The following GALNT18 variants were observed in gnomAD, a reference collection of about 807,000 sequenced individuals.
The protein encoded by GALNT18 is GalNAc-transferase 18.
GALNT18 carries 44 observed loss-of-function variants against 69.5 expected under a neutral mutation model. The ratio of observed to expected loss-of-function variants is 0.63; its 90% CI spans 0.50 to 0.81. The LOEUF is 0.81. GALNT18 is among the 40% of genes least tolerant of loss of function. The pLI is 0.00. For synonymous variants in GALNT18, 364 were observed against 318.2 expected, an observed-to-expected ratio of 1.14 and a Z score of -1.53; for missense variants, 715 against 810.0, an observed-to-expected ratio of 0.88 and a Z score of 1.42.
At chr11:11,533,015 T>C (rs4281478) in intron 1 of GALNT18, among the ~76,000 whole-genome samples, 67,853 of 152,042 alleles carry the variant, frequency 0.45, 15,770 homozygotes, top group East Asian at 0.81. Flanking sequence ...TGAGACCTGT[T>C]CAGAGCTCAA....
intron 1 of GALNT18, among the ~76,000 whole-genome samples, chr11:11,516,847 C>T (rs1857287757): frequency 6.6e-6 from 1 of 152,196 alleles, no homozygotes; most frequent in Non-Finnish European, 1.5e-5. Flanking sequence ...TAAATCATGG[C>T]CACGGCTGAC....
At chr11:11,308,585 G>A (rs1215670636) in intron 9 of GALNT18, among the ~76,000 whole-genome samples, 1 of 152,100 alleles carries the variant, frequency 6.6e-6, no homozygotes, top group Non-Finnish European at 1.5e-5. Flanking sequence ...GCCTATTCAT[G>A]TGTTTTTGAA....
At chr11:11,395,751 C>T (rs1271073659) in intron 3 of GALNT18, among the ~76,000 whole-genome samples, 4 of 152,118 alleles carry the variant, frequency 2.6e-5, no homozygotes, top group Non-Finnish European at 4.4e-5. Context: ...CAGAAACAAG[C>T]AGCAGAGCCG....
At chr11:11,484,380 G>C (rs530434195) in intron 1 of GALNT18, among the ~76,000 whole-genome samples, 1 of 152,090 alleles carries the variant, frequency 6.6e-6, no homozygotes, top group Non-Finnish European at 1.5e-5. Flanking sequence ...ATCACCTGAG[G>C]TCGGGAGTTT....
intron 2 of GALNT18, among the ~76,000 whole-genome samples, chr11:11,448,339 A>T (rs905684817): frequency 2.0e-5 from 3 of 152,258 alleles, no homozygotes; most frequent in African/African-American, 7.2e-5. Context: ...AAGTCAAGAC[A>T]GACTTCTCTG....
intron 1 of GALNT18, among the ~76,000 whole-genome samples, chr11:11,608,180 G>A (rs756353518): frequency 6.6e-6 from 1 of 152,102 alleles, no homozygotes; most frequent in Non-Finnish European, 1.5e-5. Context: ...GCAATGAAAT[G>A]GGGCTAAATC....
At chr11:11,424,300 G>A (rs1208230679) in intron 3 of GALNT18, among the ~76,000 whole-genome samples, 1 of 152,170 alleles carries the variant, frequency 6.6e-6, no homozygotes, top group Non-Finnish European at 1.5e-5. Context: ...GAGAGGAGGT[G>A]CCCAAGTTGA....
At position 11,465,107 on chromosome 11, in the gene GALNT18, A is replaced by G. The variant is rs904768198; in HGVS notation, c.236-16171T>C. Among the ~76,000 whole-genome samples the G allele has an allele frequency of 1.2e-4, 18 of 152,180 alleles. No homozygotes were observed. The highest frequency in any genetic ancestry group is 2.2e-4 in the Non-Finnish European group (15 of 68,028). Reference sequence around the variant, plus strand: ...CAACTTCTCTATCCTCTCTACGAGGACAGAGAGAATACAGATCCCACTGGT... The same window carrying G: ...CAACTTCTCTATCCTCTCTACGAGGGCAGAGAGAATACAGATCCCACTGGT... On this transcript the variant is annotated intron_variant, in intron 1 of 10. Transcript: ENST00000227756. The surrounding 1 kb of genome is among the most constrained non-coding windows in gnomAD (Gnocchi z 5.7).
At chr11:11,385,394 C>T (rs1286927474) in intron 3 of GALNT18, among the ~76,000 whole-genome samples, 1 of 151,552 alleles carries the variant, frequency 6.6e-6, no homozygotes, top group African/African-American at 2.4e-5. Context: ...CTCCCGGGTT[C>T]ATGCCATTCT....
rs747956321 is a variant in GALNT18 at position 11,309,740 on chromosome 11, C to T, written c.1513-16547G>A. On this transcript the variant is annotated intron_variant, in intron 9 of 10. Coordinates refer to ENST00000227756, the MANE Select transcript of GALNT18 (RefSeq NM_198516.3). This position sits in a 1 kb window ranked among gnomAD's most constrained non-coding sequence, Gnocchi z 4.6. ...CTGCTCAGCAGCTGAGCCACTTTCA[C>T]TCTGCAGGGTTTCTAAACCTTCTCC... 3.9e-5 allele frequency among the ~76,000 whole-genome samples: 6 copies of T among 152,148 alleles called. No homozygotes were observed. The highest frequency in any genetic ancestry group is 7.4e-5 in the Non-Finnish European group (5 of 68,020).
At chr11:11,453,771 T>C (rs572131361) in intron 1 of GALNT18, among the ~76,000 whole-genome samples, 1 of 152,318 alleles carries the variant, frequency 6.6e-6, no homozygotes, top group African/African-American at 2.4e-5. Flanking sequence ...GTGCTTTTGC[T>C]CCTCTTTCAC....
At chr11:11,508,866 G>A (rs959497836) in intron 1 of GALNT18, among the ~76,000 whole-genome samples, 3 of 152,172 alleles carry the variant, frequency 2.0e-5, no homozygotes, top group African/African-American at 7.2e-5. Context: ...TGCTATGCAA[G>A]GGTGGTTTTG....
chr11:11,285,747 G>A (rs995703009), intron 10 of GALNT18, among the ~76,000 whole-genome samples: 3 of 152,238 alleles, frequency 2.0e-5, no homozygotes, highest in African/African-American at 7.2e-5. Flanking sequence ...GGGGATTGGA[G>A]CAGGAGAAAG....
rs1859125901 is a variant in GALNT18, at chr11:11,583,148, T to C, written c.235+38211A>G. ...GAGAAGTTACACTCAATTTGTCCCT[T>C]TAATGAGGTTTTTCCACAGCAGCAC... On this transcript the variant is annotated intron_variant, in intron 1 of 10. Coordinates refer to ENST00000227756, the MANE Select transcript of GALNT18 (RefSeq NM_198516.3). This position sits in a 1 kb window ranked among gnomAD's most constrained non-coding sequence, Gnocchi z 4.7. Among the ~76,000 whole-genome samples the C allele has an allele frequency of 6.6e-6, 1 of 152,170 alleles. No individual in the cohort carries two copies.
Position 11,592,716 on chromosome 11 carries a change from C to A in GALNT18, c.235+28643G>T, listed in dbSNP as rs1859388448. Among the ~76,000 whole-genome samples, 6 of 152,040 alleles carry A rather than the reference C, an allele frequency of 3.9e-5. No individual in the cohort carries two copies. The highest frequency in any genetic ancestry group is 1.3e-4 in the Admixed American group (2 of 15,280). ...TGGGAGTTCCAACTCTTTGAAAAGC[C>A]AAAAAACAGGAAAGGGGCTGATTTA... On this transcript the variant is annotated intron_variant, in intron 1 of 10. Transcript: ENST00000227756. The surrounding 1 kb of genome is among the most constrained non-coding windows in gnomAD (Gnocchi z 5.9).
intron 10 of GALNT18, among the ~76,000 whole-genome samples, chr11:11,286,581 C>T (rs1849199443): frequency 6.6e-6 from 1 of 152,128 alleles, no homozygotes; most frequent in African/African-American, 2.4e-5. Context: ...ACAAACCTAG[C>T]TCAAGACCTT....
intron 1 of GALNT18, among the ~76,000 whole-genome samples, chr11:11,566,542 C>T (rs1858657232): frequency 6.6e-6 from 1 of 152,106 alleles, no homozygotes; most frequent in African/African-American, 2.4e-5. Flanking sequence ...GAGGTGTCTT[C>T]GATCTGCAGA....
In GALNT18 at chr11:11,402,374, G is replaced by A. The variant is rs570910085; in HGVS notation, c.596-23110C>T. ...TGGGCGTAGACATGTTTTAATCCAT[G>A]ATGACAGCTTGTCTTCAATCATAAA... is the stretch of plus-strand genomic sequence containing the variant. On this transcript the variant is annotated intron_variant, in intron 3 of 10. Transcript: ENST00000227756. This position sits in a 1 kb window ranked among gnomAD's most constrained non-coding sequence, Gnocchi z 4.0. Among the ~76,000 whole-genome samples the A allele has an allele frequency of 6.6e-6, 1 of 152,366 alleles. No individual in the cohort carries two copies. Among genetic ancestry groups the A allele is most frequent in the South Asian group, 2.1e-4 (1 of 4,834 alleles).
At position 11,270,991 on chromosome 11, in the gene GALNT18, A is replaced by C; in HGVS notation, c.*153T>G. The C allele has an allele frequency of 1.6e-6, 1 of 606,294 alleles. No homozygotes were observed. The highest frequency in any genetic ancestry group is 2.8e-6 in the Non-Finnish European group (1 of 362,250). The allele number at this position is 606,294 out of a possible 1,614,324, so 37.6% of individuals were successfully genotyped here. Reference sequence around the variant, plus strand: ...CCTACCAATCAGCATCTTTCTATAAACTCCATGAAAATTGAATAGGAAATA... The same window carrying C: ...CCTACCAATCAGCATCTTTCTATAACCTCCATGAAAATTGAATAGGAAATA... On this transcript the variant is annotated 3_prime_UTR_variant, in exon 11 of 11. Transcript: ENST00000227756.
Sources: allele counts gnomAD v4.1 joint callset (sites outside exome capture counted in the v4.1 genomes callset), GRCh38; gene constraint gnomAD v4.1.1; non-coding constraint Gnocchi (gnomAD v3.1); transcripts MANE v1.5; gene names NCBI Gene and HGNC (gene_info 2026-07-23, HGNC 2026-07-21).